The following INSL6 variants were observed in gnomAD, a reference collection of about 807,000 sequenced individuals.
INSL6 encodes insulin like 6, also known as insulin-like peptide INSL6.
A neutral mutation model predicts 9.4 loss-of-function variants in INSL6; 16 were observed. The observed-to-expected ratio is 1.70, with a 90% CI of 1.15 to 2.59. The LOEUF (loss-of-function observed/expected upper bound fraction) is 2.59, where lower values mean the gene tolerates loss of function less well. Among genes scored for constraint, INSL6 ranks in the 30% most tolerant of loss-of-function variants. The pLI is 0.00. For missense variants in INSL6, 391 were observed against 257.3 expected (o/e 1.52, Z -3.56); for synonymous variants, 154 against 96.9 (o/e 1.59, Z -3.46).
At chr9:5,031,822 C>T in the INSL6 span, among the ~76,000 whole-genome samples, 1 of 152,182 alleles carries the variant, frequency 6.6e-6, no homozygotes, top group Non-Finnish European at 1.5e-5. Flanking sequence ...CTACAGCTCC[C>T]AGCATGGGCG....
chr9:5,077,221 T>C, the INSL6 span, among the ~76,000 whole-genome samples: 1 of 150,092 alleles, frequency 6.7e-6, no homozygotes, highest in Non-Finnish European at 1.5e-5. Flanking sequence ...TATACATTTA[T>C]GTTATATATA....
the INSL6 span, among the ~76,000 whole-genome samples, chr9:5,077,953 C>CA: frequency 5.9e-5 from 9 of 152,116 alleles, no homozygotes; most frequent in African/African-American, 2.2e-4. Flanking sequence ...GGGGGACTGC[C>CA]AGTCATCAGA....
the INSL6 span, among the ~76,000 whole-genome samples, chr9:5,038,789 A>ATAAAAAGATGAAATACTATGAC: frequency 1.3e-5 from 2 of 152,120 alleles, no homozygotes; most frequent in Non-Finnish European, 2.9e-5. Context: ...CAGTTTGTTT[A>ATAAAAAGATGAAATACTATGAC]TAAAAAGATG....
downstream of INSL6, among the ~76,000 whole-genome samples, chr9:5,122,437 T>C (rs985838780): frequency 2.0e-5 from 3 of 152,140 alleles, no homozygotes; most frequent in East Asian, 5.8e-4. Flanking sequence ...AGCATATTTA[T>C]ATGGATTCAT....
chr9:5,136,969 C>T (rs62541871), intron 2 of INSL6, among the ~76,000 whole-genome samples: 36,801 of 152,066 alleles, frequency 0.24, 4,905 homozygotes, highest in South Asian at 0.3. Context: ...CATTCTTATA[C>T]ACCAATAACA....
At chr9:5,157,838 C>G (rs1824845148) in intron 2 of INSL6, among the ~76,000 whole-genome samples, 1 of 151,942 alleles carries the variant, frequency 6.6e-6, no homozygotes, top group Non-Finnish European at 1.5e-5. Context: ...ATGAGCTCAC[C>G]AAAGGAACTA....
At chr9:5,167,555 G>A (rs1825082873) in intron 1 of INSL6, among the ~76,000 whole-genome samples, 1 of 152,226 alleles carries the variant, frequency 6.6e-6, no homozygotes, top group Non-Finnish European at 1.5e-5. Flanking sequence ...TCACGGAGCA[G>A]GGCCTCCCTG....
the INSL6 span, among the ~76,000 whole-genome samples, chr9:5,033,750 TAGAA>T: frequency 6.6e-6 from 1 of 151,940 alleles, no homozygotes; most frequent in African/African-American, 2.4e-5. Flanking sequence ...GCACTAAACA[TAGAA>T]AGGAACAACT....
the INSL6 span, among the ~76,000 whole-genome samples, chr9:5,065,344 T>C: frequency 6.6e-6 from 1 of 152,240 alleles, no homozygotes; most frequent in Non-Finnish European, 1.5e-5. Context: ...GTTTTATTAA[T>C]TTTAAAATAC....
intron 2 of INSL6, among the ~76,000 whole-genome samples, chr9:5,134,724 T>G (rs1586855268): frequency 1.3e-5 from 2 of 152,300 alleles, no homozygotes; most frequent in Middle Eastern, 6.8e-3. Flanking sequence ...TACCAGCCAC[T>G]GCAAAAACAT....
At chr9:5,038,334 C>T in the INSL6 span, among the ~76,000 whole-genome samples, 1 of 152,136 alleles carries the variant, frequency 6.6e-6, no homozygotes, top group African/African-American at 2.4e-5. Flanking sequence ...AGTGGCTTCA[C>T]TTGTGAATTC....
downstream of INSL6, among the ~76,000 whole-genome samples, chr9:5,162,768 C>T (rs921255312): frequency 1.3e-5 from 2 of 152,038 alleles, no homozygotes; most frequent in Non-Finnish European, 2.9e-5. Context: ...TGGAAAAGAA[C>T]CTTTGTTCTA....
the INSL6 span, among the ~76,000 whole-genome samples, chr9:5,064,210 G>T: frequency 6.6e-6 from 1 of 152,044 alleles, no homozygotes; most frequent in Non-Finnish European, 1.5e-5. Context: ...ATTTTAGTTT[G>T]TAGCATGAAT....
chr9:5,107,724 C>G, the INSL6 span, among the ~76,000 whole-genome samples: 7 of 152,088 alleles, frequency 4.6e-5, no homozygotes, highest in Non-Finnish European at 8.8e-5. Context: ...AATATCATCC[C>G]TATGTGCCTA....
At chr9:5,009,975 G>C in the INSL6 span, among the ~76,000 whole-genome samples, 1 of 152,150 alleles carries the variant, frequency 6.6e-6, no homozygotes, top group African/African-American at 2.4e-5. Context: ...GTCTCGCAAT[G>C]TTGCCGGGGC....
the INSL6 span, chr9:5,055,736 G>A: frequency 9.9e-6 from 16 of 1,609,866 alleles, no homozygotes; most frequent in African/African-American, 1.3e-5. Context: ...AACCAAGAGG[G>A]TTCAAATGAA....
At chr9:5,091,849 A>G in the INSL6 span, among the ~76,000 whole-genome samples, 1 of 152,054 alleles carries the variant, frequency 6.6e-6, no homozygotes, top group Non-Finnish European at 1.5e-5. Flanking sequence ...TAAGGTTGTT[A>G]GTTATGAAAT....
chr9:5,139,625 C>G (rs1824450967), intron 2 of INSL6, among the ~76,000 whole-genome samples: 2 of 152,164 alleles, frequency 1.3e-5, no homozygotes, highest in East Asian at 3.9e-4. Context: ...AAGAGTGCTA[C>G]TGGAGTGGTA....
chr9:5,070,340 C>A, the INSL6 span, among the ~76,000 whole-genome samples: 5 of 152,024 alleles, frequency 3.3e-5, no homozygotes, highest in South Asian at 4.1e-4. Flanking sequence ...TATATCGCAA[C>A]TCCCAAGTTC....
Sources: gnomAD v4.1 joint callset for allele counts (sites outside exome capture counted in the v4.1 genomes callset) on GRCh38, gnomAD v4.1.1 for gene constraint, MANE v1.5 for transcripts, NCBI Gene and HGNC (gene_info 2026-07-23, HGNC 2026-07-21) for gene names.